SHC3: variants seen among roughly 807,000 people sequenced by gnomAD.
The protein encoded by SHC3 is SHC-transforming protein 3.
A neutral mutation model predicts 60.4 loss-of-function variants in SHC3; 15 were observed. That is an observed-to-expected ratio of 0.25 (90% CI 0.17 to 0.38). The LOEUF is 0.38. Among genes scored for constraint, SHC3 ranks in the 10% least tolerant of loss-of-function variants. SHC3 has a pLI of 1.00. For synonymous variants in SHC3, 294 were observed against 325.9 expected (o/e 0.90, Z 1.05); for missense variants, 677 against 786.1 (o/e 0.86, Z 1.66).
At chr9:89,084,385 T>C (rs376744923) in intron 2 of SHC3, among the ~76,000 whole-genome samples, 1 of 152,118 alleles carries the variant, frequency 6.6e-6, no homozygotes, top group Non-Finnish European at 1.5e-5. Flanking sequence ...GCCCAAATAA[T>C]GAAACTAGAA....
intron 1 of SHC3, among the ~76,000 whole-genome samples, chr9:89,156,083 A>G (rs572981980): frequency 5.9e-5 from 9 of 152,264 alleles, no homozygotes; most frequent in African/African-American, 2.2e-4. Flanking sequence ...GTGACCAATA[A>G]AATACTGTGA....
chr9:89,150,179 CAT>C (rs1366204338), intron 1 of SHC3, among the ~76,000 whole-genome samples: 1 of 152,122 alleles, frequency 6.6e-6, no homozygotes, highest in African/African-American at 2.4e-5. Flanking sequence ...TAGGAAAAAT[CAT>C]AGCACGTATG....
intron 2 of SHC3, among the ~76,000 whole-genome samples, chr9:89,098,606 C>T (rs569808724): frequency 1.2e-3 from 185 of 152,244 alleles, no homozygotes; most frequent in Non-Finnish European, 2.1e-3. Flanking sequence ...ATCAGGAGAT[C>T]GAGACCATCC....
At chr9:89,104,057 G>C (rs1306903201) in intron 2 of SHC3, among the ~76,000 whole-genome samples, 1 of 152,170 alleles carries the variant, frequency 6.6e-6, no homozygotes, top group Non-Finnish European at 1.5e-5. Context: ...TTCTCAAGGA[G>C]AGTAGGGGAA....
intron 2 of SHC3, among the ~76,000 whole-genome samples, chr9:89,098,683 C>T (rs112569169): frequency 1.7e-4 from 26 of 152,094 alleles, no homozygotes; most frequent in South Asian, 1.2e-3. Context: ...TGGTAGCAGG[C>T]GCCTGTAGTC....
At chr9:89,121,500 G>C (rs1826092465) in intron 1 of SHC3, among the ~76,000 whole-genome samples, 1 of 152,142 alleles carries the variant, frequency 6.6e-6, no homozygotes, top group Non-Finnish European at 1.5e-5. Context: ...ATGTTGGTCA[G>C]GCTGGTCTTA....
intron 2 of SHC3, among the ~76,000 whole-genome samples, chr9:89,099,915 A>G (rs1825758553): frequency 6.6e-6 from 1 of 152,248 alleles, no homozygotes; most frequent in East Asian, 1.9e-4. Context: ...AGAAAAAATG[A>G]ATACATTTTG....
intron 11 of SHC3, among the ~76,000 whole-genome samples, chr9:89,017,741 C>T (rs1200030463): frequency 1.3e-5 from 2 of 152,178 alleles, no homozygotes; most frequent in African/African-American, 4.8e-5. Flanking sequence ...TTTTTGCAAT[C>T]TACCCATCTG....
At chr9:89,145,295 C>A (rs945569256) in intron 1 of SHC3, among the ~76,000 whole-genome samples, 3 of 152,130 alleles carry the variant, frequency 2.0e-5, no homozygotes, top group Admixed American at 1.3e-4. Flanking sequence ...ACTAAGAGAC[C>A]GAAAGTAAAA....
intron 2 of SHC3, among the ~76,000 whole-genome samples, chr9:89,102,752 T>C (rs1825801320): frequency 2.0e-5 from 3 of 152,334 alleles, no homozygotes; most frequent in South Asian, 2.1e-4. Context: ...GAAAAAAACA[T>C]TGGTTTTGTT....
intron 6 of SHC3, among the ~76,000 whole-genome samples, chr9:89,058,515 G>A (rs555168528): frequency 9.3e-5 from 14 of 150,764 alleles, no homozygotes; most frequent in East Asian, 5.9e-4. Context: ...TGGAGGATGC[G>A]GTGGAGGACA....
chr9:89,172,116 G>A (rs2118269971), intron 1 of SHC3, among the ~76,000 whole-genome samples: 1 of 152,342 alleles, frequency 6.6e-6, no homozygotes, highest in East Asian at 1.9e-4. Flanking sequence ...AGATCAGCAT[G>A]GCCTGTAACC....
chr9:89,015,513 C>A (rs911783510), intron 11 of SHC3, among the ~76,000 whole-genome samples: 1 of 152,220 alleles, frequency 6.6e-6, no homozygotes, highest in Non-Finnish European at 1.5e-5. Flanking sequence ...CTGAGAACCA[C>A]CAGTTAGCAT....
At position 89,052,279 on chromosome 9, in the gene SHC3, A is replaced by G. The variant is rs1040598128; in HGVS notation, c.836-116T>C. 7.6e-6 allele frequency: 10 copies of G among 1,320,834 alleles called. No homozygotes were observed. The Admixed American group carries it at 1.8e-4, about 24-fold the overall frequency. 81.8% of individuals were successfully genotyped at this position (1,320,834 alleles called of 1,614,324 possible). A position where few individuals can be genotyped will look rare whatever the true frequency, so the allele number is the denominator to read the frequency against. On this transcript the variant is annotated intron_variant, in intron 6 of 11. Transcript: ENST00000375835. ...CAGAGAGGTGCATGCTTCTTCCATAATATGTCCTAGCAGATCCAACCACAG... is the reference window on the plus strand; with the variant it reads ...CAGAGAGGTGCATGCTTCTTCCATAGTATGTCCTAGCAGATCCAACCACAG...
intron 2 of SHC3, among the ~76,000 whole-genome samples, chr9:89,111,835 G>A (rs569364291): frequency 6.6e-6 from 1 of 152,272 alleles, no homozygotes; most frequent in South Asian, 2.1e-4. Flanking sequence ...TACTGCATAA[G>A]TACCAAATGA....
intron 1 of SHC3, among the ~76,000 whole-genome samples, chr9:89,126,876 G>C (rs181056901): frequency 6.6e-6 from 1 of 152,192 alleles, no homozygotes; most frequent in Non-Finnish European, 1.5e-5. Flanking sequence ...TAAGCCTGCT[G>C]TTCAAGATGA....
At chr9:89,089,070 G>C (rs1825579244) in intron 2 of SHC3, 1 of 152,218 alleles carries the variant, frequency 6.6e-6, no homozygotes, top group Non-Finnish European at 1.5e-5. Context: ...CGGTGGCACT[G>C]TTCTGTGGCA....
intron 6 of SHC3, 100 bp from the exon 7 acceptor site, chr9:89,052,263 G>T: frequency 2.8e-6 from 4 of 1,437,754 alleles, no homozygotes; most frequent in Non-Finnish European, 3.8e-6. Context: ...ACAGAGAGGT[G>T]CATGCTTCTT....
intron 6 of SHC3, among the ~76,000 whole-genome samples, chr9:89,064,541 G>A (rs987782430): frequency 2.5e-4 from 38 of 152,100 alleles, no homozygotes; most frequent in Admixed American, 1.3e-3. Flanking sequence ...TAGCTTTGGC[G>A]GTACCTTGGA....
Sources: allele counts gnomAD v4.1 joint callset (sites outside exome capture counted in the v4.1 genomes callset), GRCh38; gene constraint gnomAD v4.1.1; transcripts MANE v1.5; gene names NCBI Gene and HGNC (gene_info 2026-07-23, HGNC 2026-07-21).